Variants in STPG2 observed in about 807,000 individuals in gnomAD.
STPG2 encodes sperm-tail PG-rich repeat-containing protein 2.
STPG2 carries 56 observed loss-of-function variants against 54.2 expected under a neutral mutation model. The ratio of observed to expected loss-of-function variants is 1.03; its 90% CI spans 0.83 to 1.29. STPG2 has a LOEUF of 1.29. Among genes scored for constraint, STPG2 ranks in the 50% most tolerant of loss-of-function variants. STPG2 has a pLI of 0.00. For missense variants in STPG2, 596 were observed against 544.9 expected (o/e 1.09, Z -0.93); for synonymous variants, 200 against 181.8 (o/e 1.10, Z -0.81).
chr4:97,634,235 G>C (rs557756437), intron 10 of STPG2, among the ~76,000 whole-genome samples: 1 of 152,248 alleles, frequency 6.6e-6, no homozygotes, highest in African/African-American at 2.4e-5. Flanking sequence ...GGGGCACACT[G>C]ACACCTCACA....
At chr4:97,935,654 T>A (rs1204233067) in intron 8 of STPG2, among the ~76,000 whole-genome samples, 1 of 152,154 alleles carries the variant, frequency 6.6e-6, no homozygotes, top group Non-Finnish European at 1.5e-5. Context: ...GAATCATACA[T>A]GAGCAGGATG....
chr4:98,022,245 TGTAAA>T (rs1479865655), intron 5 of STPG2, among the ~76,000 whole-genome samples: 1 of 152,054 alleles, frequency 6.6e-6, no homozygotes, highest in East Asian at 1.9e-4. Flanking sequence ...TTTGCTTGTC[TGTAAA>T]GTATTTTATT....
Position 97,981,299 on chromosome 4 carries a change from G to A in STPG2, c.632C>T (p.Ser211Leu). The A allele has an allele frequency of 6.2e-7, 1 of 1,613,842 alleles. No homozygotes were observed. Residue 211 changes from serine to leucine, a missense_variant, in exon 6 of 11, where the codon TCA becomes TTA. By Grantham distance (145) the Ser-to-Leu change is moderately radical. Transcript: ENST00000295268. ...ATATGTGCCAGGAGCCGGGGTGATT[G>A]ATTTCATAGGTAAAAATCTCTAGTG... is the stretch of plus-strand genomic sequence containing the variant. ...EKKKRFLPMK[S>L]ITPAPGTYNE...
intron 10 of STPG2, among the ~76,000 whole-genome samples, chr4:97,602,018 G>T (rs987168014): frequency 2.0e-5 from 3 of 150,462 alleles, no homozygotes; most frequent in African/African-American, 7.4e-5. Context: ...TACATAGTAG[G>T]TTTTAAATAA....
chr4:98,138,885 T>C (rs1185702843), intron 1 of STPG2, among the ~76,000 whole-genome samples: 1 of 152,076 alleles, frequency 6.6e-6, no homozygotes, highest in Non-Finnish European at 1.5e-5. Context: ...CCAATAGATA[T>C]AACTGATATA....
At chr4:97,764,104 C>T (rs940606911) in intron 9 of STPG2, among the ~76,000 whole-genome samples, 3 of 136,068 alleles carry the variant, frequency 2.2e-5, no homozygotes, top group African/African-American at 6.0e-5. Context: ...ACCTCCACAA[C>T]ACCACATGCA....
At chr4:97,682,757 G>T (rs1411454795) in intron 10 of STPG2, among the ~76,000 whole-genome samples, 1 of 151,796 alleles carries the variant, frequency 6.6e-6, no homozygotes, top group Non-Finnish European at 1.5e-5. Context: ...CTTGTCTAAA[G>T]TCATACAGGT....
Position 97,768,704 on chromosome 4 carries a change from C to CT in STPG2, c.1205-55891dup, listed in dbSNP as rs796323290. Among the ~76,000 whole-genome samples, 266 of 145,522 alleles carry CT rather than the reference C, an allele frequency of 1.8e-3. 2 individuals are homozygous for CT. Among genetic ancestry groups the CT allele is most frequent in the Middle Eastern group, 7.2e-3 (2 of 278 alleles). On this transcript the variant is annotated intron_variant, in intron 9 of 10. Transcript: ENST00000295268. Reference sequence around the variant, plus strand: ...ACCACTCCATAGTTTGGTGGTCTCTCTTTTTTTTTTTTCCCAAGAAGGAGT... The same window carrying CT: ...ACCACTCCATAGTTTGGTGGTCTCTCTTTTTTTTTTTTTCCCAAGAAGGAGT...
At chr4:97,963,427 CA>C (rs1353848298) in intron 7 of STPG2, among the ~76,000 whole-genome samples, 1 of 152,054 alleles carries the variant, frequency 6.6e-6, no homozygotes, top group East Asian at 1.9e-4. Flanking sequence ...GAGGCAGAGG[CA>C]GGGGGACTCG....
chr4:98,138,785 T>C (rs1740202171), intron 1 of STPG2, among the ~76,000 whole-genome samples: 1 of 152,070 alleles, frequency 6.6e-6, no homozygotes, highest in Non-Finnish European at 1.5e-5. Context: ...CTGTGGCAGA[T>C]AAAGCTAACC....
intron 5 of STPG2, among the ~76,000 whole-genome samples, chr4:98,057,240 A>G (rs1353374512): frequency 6.6e-6 from 1 of 152,226 alleles, no homozygotes; most frequent in Non-Finnish European, 1.5e-5. Flanking sequence ...AATTCAGAAT[A>G]TGGATAGGAA....
intron 4 of STPG2, among the ~76,000 whole-genome samples, chr4:97,487,557 T>G (rs1457726565): frequency 6.6e-6 from 1 of 151,578 alleles, no homozygotes; most frequent in Non-Finnish European, 1.5e-5. Flanking sequence ...CATCTTAACA[T>G]CTCTAAAATT....
intron 8 of STPG2, among the ~76,000 whole-genome samples, chr4:97,923,864 T>A (rs559175529): frequency 2.6e-5 from 4 of 152,136 alleles, no homozygotes; most frequent in Non-Finnish European, 5.9e-5. Context: ...CAGCACCCTG[T>A]CAAAATGGAC....
chr4:97,531,796 C>G (rs751783045), intron 4 of STPG2, among the ~76,000 whole-genome samples: 3 of 152,002 alleles, frequency 2.0e-5, no homozygotes, highest in African/African-American at 7.2e-5. Context: ...TATTTGATAG[C>G]ACAACAGTGT....
At chr4:98,000,222 A>T (rs1024642419) in intron 5 of STPG2, among the ~76,000 whole-genome samples, 1 of 152,122 alleles carries the variant, frequency 6.6e-6, no homozygotes, top group African/African-American at 2.4e-5. Context: ...TTAATTCCTA[A>T]AAACAAGATA....
chr4:97,486,450 AT>A (rs1180814015), intron 4 of STPG2, among the ~76,000 whole-genome samples: 4 of 151,964 alleles, frequency 2.6e-5, no homozygotes, highest in African/African-American at 7.2e-5. Context: ...GGAAATGCAT[AT>A]CAAAACCACA....
At chr4:97,914,222 C>T (rs532314869) in intron 8 of STPG2, among the ~76,000 whole-genome samples, 88 of 152,182 alleles carry the variant, frequency 5.8e-4, no homozygotes, top group African/African-American at 1.9e-3. Flanking sequence ...GATTGCTCAT[C>T]ATATATTCCA....
intron 8 of STPG2, among the ~76,000 whole-genome samples, chr4:97,872,239 A>C (rs1730016806): frequency 6.6e-6 from 1 of 151,240 alleles, no homozygotes; most frequent in Admixed American, 6.6e-5. Context: ...GAAAAAAGGT[A>C]AGTGTTACCT....
At chr4:97,483,306 C>G (rs1730271085) in intron 4 of STPG2, among the ~76,000 whole-genome samples, 1 of 151,438 alleles carries the variant, frequency 6.6e-6, no homozygotes, top group Admixed American at 6.6e-5. Context: ...AAGAACTCAC[C>G]AACCAACTAT....
Sources: allele counts gnomAD v4.1 joint callset (sites outside exome capture counted in the v4.1 genomes callset), GRCh38; gene constraint gnomAD v4.1.1; transcripts MANE v1.5; gene names NCBI Gene and HGNC (gene_info 2026-07-23, HGNC 2026-07-21).